Variants in EIF4G3 observed in about 807,000 individuals in gnomAD.
EIF4G3 encodes the protein eukaryotic translation initiation factor 4 gamma 3.
In EIF4G3, 34 loss-of-function variants were observed where a neutral mutation model predicts 186.4. The observed-to-expected ratio is 0.18, with a 90% CI of 0.14 to 0.24. The LOEUF (loss-of-function observed/expected upper bound fraction) is 0.24. Ranked by LOEUF, EIF4G3 falls within the 10% of genes least tolerant of loss-of-function variation. EIF4G3 has a pLI of 1.00. For missense variants in EIF4G3, 1,536 were observed against 1,948.5 expected, an observed-to-expected ratio of 0.79 and a Z score of 3.99; for synonymous variants, 673 against 679.5, an observed-to-expected ratio of 0.99 and a Z score of 0.15.
At chr1:20,971,554 TC>T (rs1431611236) in intron 11 of EIF4G3, among the ~76,000 whole-genome samples, 15 of 152,378 alleles carry the variant, frequency 9.8e-5, no homozygotes, top group Admixed American at 8.5e-4. Flanking sequence ...CATTGTCATG[TC>T]CTGTTCATTA....
chr1:20,847,308 C>T (rs1431981309), intron 29 of EIF4G3, among the ~76,000 whole-genome samples: 1 of 152,166 alleles, frequency 6.6e-6, no homozygotes, highest in African/African-American at 2.4e-5. Flanking sequence ...CCTGTTTTAA[C>T]CATATTGCAG....
chr1:21,086,405 C>T (rs750327235), intron 3 of EIF4G3, among the ~76,000 whole-genome samples: 14 of 151,912 alleles, frequency 9.2e-5, no homozygotes, highest in Non-Finnish European at 1.8e-4. Flanking sequence ...ACCCCCCCAA[C>T]CAACCTACAT....
chr1:21,023,282 G>T (rs890182265), intron 4 of EIF4G3, among the ~76,000 whole-genome samples: 3 of 57,290 alleles, frequency 5.2e-5, no homozygotes, highest in Admixed American at 4.8e-4. Context: ...CTCTCCCCAC[G>T]GTCTCCCTCT....
intron 34 of EIF4G3, among the ~76,000 whole-genome samples, chr1:20,816,869 T>C (rs2061127689): frequency 9.0e-6 from 1 of 111,214 alleles, no homozygotes; most frequent in Non-Finnish European, 1.9e-5. Context: ...GAAGTAGACA[T>C]GGGAGACTTT....
chr1:20,948,343 T>A (rs2096060389), intron 13 of EIF4G3, among the ~76,000 whole-genome samples: 1 of 152,238 alleles, frequency 6.6e-6, no homozygotes, highest in South Asian at 2.1e-4. Context: ...AGAATTCGCT[T>A]GAAGCATGCA....
intron 3 of EIF4G3, among the ~76,000 whole-genome samples, chr1:21,052,649 T>C (rs1314410824): frequency 6.6e-6 from 1 of 152,004 alleles, no homozygotes; most frequent in Non-Finnish European, 1.5e-5. Context: ...TGGACTGTAC[T>C]GCTGCCATCT....
intron 2 of EIF4G3, chr1:21,111,276 G>T (rs1302529775): frequency 4.2e-6 from 2 of 470,878 alleles, no homozygotes; most frequent in Non-Finnish European, 8.8e-6. Flanking sequence ...TTTGAAGCTG[G>T]AAAAGACAAA....
At chr1:20,920,762 C>T (rs533730088) in intron 14 of EIF4G3, among the ~76,000 whole-genome samples, 1 of 152,018 alleles carries the variant, frequency 6.6e-6, no homozygotes, top group African/African-American at 2.4e-5. Context: ...TCCCCATTAA[C>T]CTCAGTTCTG....
chr1:20,809,478 C>T (rs1010115752), intron 36 of EIF4G3, among the ~76,000 whole-genome samples: 2 of 152,200 alleles, frequency 1.3e-5, no homozygotes, highest in Non-Finnish European at 2.9e-5. Context: ...CAAATACCAA[C>T]TGAATTTTCA....
At chr1:20,859,058 C>T (rs2075759316) in intron 24 of EIF4G3, among the ~76,000 whole-genome samples, 1 of 152,284 alleles carries the variant, frequency 6.6e-6, no homozygotes, top group Admixed American at 6.5e-5. Context: ...TATCCAAAAG[C>T]TTTTCTGGTC....
At chr1:20,836,644 A>G (rs1275481954) in intron 30 of EIF4G3, among the ~76,000 whole-genome samples, 1 of 152,178 alleles carries the variant, frequency 6.6e-6, no homozygotes, top group Non-Finnish European at 1.5e-5. Flanking sequence ...CTCTAACAAA[A>G]CATCTCCCAA....
chr1:20,916,285 A>C (rs1451709730), intron 14 of EIF4G3, among the ~76,000 whole-genome samples: 1 of 152,014 alleles, frequency 6.6e-6, no homozygotes, highest in East Asian at 1.9e-4. Context: ...TCTCTACTAA[A>C]AATACAAAAA....
intron 3 of EIF4G3, among the ~76,000 whole-genome samples, chr1:21,062,978 G>C (rs182537730): frequency 1.3e-5 from 2 of 152,252 alleles, no homozygotes; most frequent in African/African-American, 2.4e-5. Context: ...ATCCAAACCA[G>C]TTTGATATGA....
chr1:21,099,481 T>C (rs1317578517), intron 2 of EIF4G3, among the ~76,000 whole-genome samples: 5 of 152,234 alleles, frequency 3.3e-5, no homozygotes, highest in Non-Finnish European at 5.9e-5. Flanking sequence ...GAATCTCAAA[T>C]GCTAATTATT....
chr1:20,951,218 C>T (rs1453265), intron 12 of EIF4G3, among the ~76,000 whole-genome samples: 59,743 of 151,710 alleles, frequency 0.39, 12,471 homozygotes, highest in Middle Eastern at 0.52. Flanking sequence ...ATGAAATGGA[C>T]ACATACAATT....
intron 10 of EIF4G3, among the ~76,000 whole-genome samples, 178 bp downstream of exon 10, chr1:20,980,151 CATAAT>C (rs1241696781): frequency 4.6e-5 from 7 of 151,106 alleles, no homozygotes. Flanking sequence ...GCCTGACTAA[CATAAT>C]GAGACTCCCA....
At chr1:21,151,612 T>C (rs2097552013) in intron 2 of EIF4G3, among the ~76,000 whole-genome samples, 1 of 152,012 alleles carries the variant, frequency 6.6e-6, no homozygotes, top group South Asian at 2.1e-4. Flanking sequence ...GCCTTCAGCA[T>C]GTTTCAAAAG....
chr1:20,895,361 AG>A lies in EIF4G3; in HGVS notation c.2133+6del. 1.9e-6 allele frequency: 3 copies of A among 1,612,762 alleles called. No homozygotes were observed. Among genetic ancestry groups the A allele is most frequent in the Admixed American group, 1.7e-5 (1 of 59,876 alleles). ...AAGAACTAGTTTTCTCTGAGTACGCAGCTTACCTTGTCAAGAACCACATCAC... is the reference window on the plus strand; with the variant it reads ...AAGAACTAGTTTTCTCTGAGTACGCACTTACCTTGTCAAGAACCACATCAC... On this transcript the variant is annotated splice_donor_region_variant and intron_variant, in intron 17 of 36. Coordinates refer to ENST00000602326, the MANE Select transcript of EIF4G3 (RefSeq NM_001391906.1).
intron 12 of EIF4G3, among the ~76,000 whole-genome samples, chr1:20,960,325 G>C (rs1037065240): frequency 6.6e-6 from 1 of 152,106 alleles, no homozygotes; most frequent in Non-Finnish European, 1.5e-5. Flanking sequence ...AATTAGCCGG[G>C]CATGGTGGCA....
Sources: gnomAD v4.1 joint callset for allele counts (sites outside exome capture counted in the v4.1 genomes callset) on GRCh38, gnomAD v4.1.1 for gene constraint, MANE v1.5 for transcripts, NCBI Gene and HGNC (gene_info 2026-07-23, HGNC 2026-07-21) for gene names.